The following IL16 variants were observed in gnomAD, a reference collection of about 807,000 sequenced individuals.
The protein encoded by IL16 is interleukin 16.
A neutral mutation model predicts 110.1 loss-of-function variants in IL16; 67 were observed. The ratio of observed to expected loss-of-function variants is 0.61; its 90% confidence interval spans 0.50 to 0.75. IL16 has a LOEUF of 0.75. Ranked by LOEUF, IL16 falls within the 30% of genes least tolerant of loss-of-function variation. The pLI, the probability that IL16 is intolerant of heterozygous loss-of-function variation, is 0.00. For synonymous variants in IL16, 689 were observed against 662.9 expected (o/e 1.04, Z -0.61); for missense variants, 1,545 against 1,655.0 (o/e 0.93, Z 1.15).
chr15:81,286,597 T>C (rs1031704428), intron 10 of IL16, among the ~76,000 whole-genome samples: 25 of 152,188 alleles, frequency 1.6e-4, no homozygotes, highest in Admixed American at 7.9e-4. Flanking sequence ...GGGAGGTCTG[T>C]AGCTGTAGAA....
At chr15:81,201,944 A>G (rs1220312479) in intron 1 of IL16, among the ~76,000 whole-genome samples, 1 of 152,342 alleles carries the variant, frequency 6.6e-6, no homozygotes, top group East Asian at 1.9e-4. Context: ...CACTTACAAT[A>G]TAAGGCAAGT....
chr15:81,230,226 T>C (rs1449186259), intron 2 of IL16, among the ~76,000 whole-genome samples: 1 of 152,210 alleles, frequency 6.6e-6, no homozygotes, highest in Admixed American at 6.5e-5. Flanking sequence ...AAATACAATT[T>C]ATCAGACTTA....
Position 81,313,011 on chromosome 15 carries a change from T to G in IL16, c.*4213T>G. 3.3e-6 allele frequency: 1 copy of G among 306,430 alleles called. No homozygotes were observed. The highest frequency in any genetic ancestry group is 6.0e-6 in the Non-Finnish European group (1 of 167,288). The allele number at this position is 306,430 out of a possible 1,614,324, so 19.0% of individuals were successfully genotyped here. A position where few individuals can be genotyped will look rare whatever the true frequency, so the allele number is the denominator to read the frequency against. ...GGTCTACCCTGCCAGGAGAGGCGTGTTTGGGTAACAGGCAGATGGAGTTTG... is the reference window on the plus strand; with the variant it reads ...GGTCTACCCTGCCAGGAGAGGCGTGGTTGGGTAACAGGCAGATGGAGTTTG... On this transcript the variant is annotated 3_prime_UTR_variant, in exon 19 of 19. Coordinates refer to ENST00000683961, the MANE Select transcript of IL16 (RefSeq NM_172217.5).
rs1467005678 is a variant in IL16, at chr15:81,296,397, G to A, written c.1903-531G>A. Among the ~76,000 whole-genome samples, 3 of 152,234 alleles carry A rather than the reference G, an allele frequency of 2.0e-5. No individual in the cohort carries two copies. The East Asian group carries it at 5.8e-4, about 29-fold the overall frequency. ...ATGTCACCCTAGGTGCCACAGAGGGGAGCAATGGCACAGGTGCTGAGTATC... is the reference window on the plus strand; with the variant it reads ...ATGTCACCCTAGGTGCCACAGAGGGAAGCAATGGCACAGGTGCTGAGTATC... On this transcript the variant is annotated intron_variant, in intron 12 of 18. Coordinates refer to ENST00000683961, the MANE Select transcript of IL16 (RefSeq NM_172217.5).
At chr15:81,240,537 C>G (rs1259669217) in intron 2 of IL16, among the ~76,000 whole-genome samples, 17 of 152,084 alleles carry the variant, frequency 1.1e-4, no homozygotes, top group Non-Finnish European at 4.4e-5. Flanking sequence ...AGATTTTAAA[C>G]TTTCTCCAAT....
At chr15:81,208,967 T>C (rs934806474) in intron 1 of IL16, among the ~76,000 whole-genome samples, 3 of 152,168 alleles carry the variant, frequency 2.0e-5, no homozygotes, top group African/African-American at 7.2e-5. Context: ...ACATTATAGG[T>C]ACTTATATGA....
intron 1 of IL16, among the ~76,000 whole-genome samples, chr15:81,185,181 A>G (rs1895400664): frequency 6.6e-6 from 1 of 152,002 alleles, no homozygotes; most frequent in African/African-American, 2.4e-5. Flanking sequence ...AAACCACATG[A>G]CACACTGCCA....
chr15:81,253,016 G>A (rs1444398896), intron 2 of IL16, among the ~76,000 whole-genome samples: 1 of 152,092 alleles, frequency 6.6e-6, no homozygotes, highest in Non-Finnish European at 1.5e-5. Context: ...TGCATCATAT[G>A]GTAACTCTAT....
intron 1 of IL16, 57 bp downstream of exon 1, chr15:81,197,209 G>A (rs1031901978): frequency 2.7e-5 from 32 of 1,190,408 alleles, no homozygotes; most frequent in Non-Finnish European, 3.2e-5. Flanking sequence ...CCGGAGGGAG[G>A]AAGCTGGCCT....
chr15:81,311,733 C>T lies in IL16; in HGVS notation c.*2935C>T, dbSNP rs1322820954. The T allele has an allele frequency of 6.6e-6, 1 of 152,200 alleles. No homozygotes were observed. The highest frequency in any genetic ancestry group is 2.4e-5 in the African/African-American group (1 of 41,444). The allele number at this position is 152,200 out of a possible 1,614,324, so 9.4% of individuals were successfully genotyped here. A position where few individuals can be genotyped will look rare whatever the true frequency, so the allele number is the denominator to read the frequency against. On this transcript the variant is annotated 3_prime_UTR_variant, in exon 19 of 19. Coordinates refer to ENST00000683961, the MANE Select transcript of IL16 (RefSeq NM_172217.5). ...AGAAGTTGATATAGAACAGTGCTTG[C>T]CACAGAGCGGGGACTCGGTAAGCAC... is the stretch of plus-strand genomic sequence containing the variant.
In IL16 at chr15:81,308,755, A is replaced by G. The variant is rs1596063518; in HGVS notation, c.3956A>G (p.Lys1319Arg). Reference sequence around the variant, plus strand: ...CCTGTCACGATTGTCATCAGGAGAAAAAGCCTCCAGTCCAAGGAAACCACA... The same window carrying G: ...CCTGTCACGATTGTCATCAGGAGAAGAAGCCTCCAGTCCAAGGAAACCACA... ...DGPVTIVIRR[K>R]SLQSKETTAA... Residue 1319 changes from lysine (K) to arginine (R), a missense_variant, in exon 19 of 19, where the codon AAA becomes AGA. Lys to Arg is a conservative substitution (Grantham distance 26). Around this residue, in one of 3 missense-constraint regions of IL16, gnomAD observed 356 missense variants for 399.3 expected, o/e 0.89. Coordinates refer to ENST00000683961, the MANE Select transcript of IL16 (RefSeq NM_172217.5). The G allele has an allele frequency of 6.2e-7, 1 of 1,614,068 alleles. No individual in the cohort carries two copies. The highest frequency in any genetic ancestry group is 8.5e-7 in the Non-Finnish European group (1 of 1,180,012).
chr15:81,243,449 T>C (rs990687001), intron 2 of IL16, among the ~76,000 whole-genome samples: 2 of 151,756 alleles, frequency 1.3e-5, no homozygotes, highest in African/African-American at 4.8e-5. Flanking sequence ...TCTCCCAAAG[T>C]GCTGTTGTTA....
At chr15:81,293,562 A>G (rs898310363) in intron 12 of IL16, among the ~76,000 whole-genome samples, 2 of 152,148 alleles carry the variant, frequency 1.3e-5, no homozygotes, top group Non-Finnish European at 2.9e-5. Context: ...TTAGCCGGGT[A>G]TGGTGGCAGG....
rs764047816 is a variant in IL16 at position 81,294,678 on chromosome 15, T to C, written c.1902+1641T>C. ...AGCTGCCCTCCTCTGTTTGCTCTGG[T>C]CTGTCCCACGTGGCCAGCAGATCCT... is the stretch of plus-strand genomic sequence containing the variant. On this transcript the variant is annotated intron_variant, in intron 12 of 18. Coordinates refer to ENST00000683961, the MANE Select transcript of IL16 (RefSeq NM_172217.5). Among the ~76,000 whole-genome samples, 5 of 152,186 alleles carry C rather than the reference T, an allele frequency of 3.3e-5. No homozygotes were observed. The South Asian group carries it at 8.3e-4, about 25-fold the overall frequency.
chr15:81,190,258 C>T (rs1285189555), intron 1 of IL16, among the ~76,000 whole-genome samples: 2 of 152,210 alleles, frequency 1.3e-5, no homozygotes, highest in Admixed American at 6.5e-5. Context: ...TGGTGCTGTG[C>T]AAACCATCCT....
chr15:81,310,600 C>G lies in IL16; in HGVS notation c.*1802C>G, dbSNP rs560921628. 86 of 152,308 alleles carry G rather than the reference C, an allele frequency of 5.6e-4. No homozygotes were observed. Among genetic ancestry groups the G allele is most frequent in the African/African-American group, 2.0e-3 (85 of 41,556 alleles). 9.4% of individuals were successfully genotyped at this position (152,308 alleles called of 1,614,324 possible). ...AAGACGTGATTCAATTCAACACTCC[C>G]TTCCCATGACCCAGGCTGGGCAAGG... On this transcript the variant is annotated 3_prime_UTR_variant, in exon 19 of 19. Transcript: ENST00000683961.
Position 81,229,585 on chromosome 15 carries a change from G to C in IL16, c.312+3874G>C, listed in dbSNP as rs759178177. On this transcript the variant is annotated intron_variant, in intron 2 of 18. Transcript: ENST00000683961. Reference sequence around the variant, plus strand: ...ATCCTTAAAGATCCAAGAGTGAATTGTAAGCAAGGGAGGGTTTCAGTTGCC... The same window carrying C: ...ATCCTTAAAGATCCAAGAGTGAATTCTAAGCAAGGGAGGGTTTCAGTTGCC... Among the ~76,000 whole-genome samples, 66 of 152,102 alleles carry C rather than the reference G, an allele frequency of 4.3e-4. 1 individual carries two copies. The highest frequency in any genetic ancestry group is 7.5e-4 in the Non-Finnish European group (51 of 68,004).
intron 1 of IL16, among the ~76,000 whole-genome samples, chr15:81,205,405 T>C (rs761507306): frequency 2.0e-5 from 3 of 152,030 alleles, no homozygotes; most frequent in South Asian, 4.2e-4. Context: ...ACCTCTTGCA[T>C]AGGGAAGAGG....
At chr15:81,307,334 A>AAAGGAGGT (rs1900623813) in intron 18 of IL16, among the ~76,000 whole-genome samples, 1 of 152,082 alleles carries the variant, frequency 6.6e-6, no homozygotes, top group Admixed American at 6.6e-5. Context: ...TTCATCCATA[A>AAAGGAGGT]AAGGAGGTAA....
Sources: gnomAD v4.1 joint callset for allele counts (sites outside exome capture counted in the v4.1 genomes callset) on GRCh38, gnomAD v4.1.1 for gene constraint, gnomAD v4.1.1 regional missense constraint, MANE v1.5 for transcripts, NCBI Gene and HGNC (gene_info 2026-07-23, HGNC 2026-07-21) for gene names.